Variants in TMEM52B observed in about 807,000 individuals in gnomAD.
The protein encoded by TMEM52B is transmembrane protein 52B.
TMEM52B carries 11 observed loss-of-function variants against 16.1 expected under a neutral mutation model. The observed-to-expected ratio is 0.68, with a 90% CI of 0.43 to 1.13. The LOEUF is 1.13. Ranked by LOEUF, TMEM52B falls within the 50% of genes most tolerant of loss-of-function variation. The pLI, the probability that TMEM52B is intolerant of heterozygous loss-of-function variation, is 0.00. For synonymous variants in TMEM52B, 101 were observed against 93.8 expected (o/e 1.08, Z -0.45); for missense variants, 243 against 230.4 (o/e 1.05, Z -0.35).
At chr12:10,172,170 T>A (rs550797199) in intron 1 of TMEM52B, 52 of 789,694 alleles carry the variant, frequency 6.6e-5, no homozygotes, top group South Asian at 6.2e-4. Flanking sequence ...TTTAAATAGC[T>A]ACTGTTATCT....
At chr12:10,189,276 G>C (rs1209874764) in intron 4 of TMEM52B, among the ~76,000 whole-genome samples, 1 of 151,820 alleles carries the variant, frequency 6.6e-6, no homozygotes, top group Non-Finnish European at 1.5e-5. Context: ...CGGGGGCTGG[G>C]GGAAAGGGAT....
rs1254871679 is a variant in TMEM52B, at chr12:10,191,774, A to G, written c.*1634A>G. The G allele has an allele frequency of 6.6e-6, 1 of 152,214 alleles. No homozygotes were observed. The highest frequency in any genetic ancestry group is 1.5e-5 in the Non-Finnish European group (1 of 68,044). 9.4% of individuals were successfully genotyped at this position (152,214 alleles called of 1,614,324 possible). A position where few individuals can be genotyped will look rare whatever the true frequency, so the allele number is the denominator to read the frequency against. ...GAAATGGCTTTGTTTTTATCAATAA[A>G]TACTTGTTGATTGCGGTAAACAGCA... is the stretch of plus-strand genomic sequence containing the variant. On this transcript the variant is annotated 3_prime_UTR_variant, in exon 5 of 5. Transcript: ENST00000543484.
chr12:10,189,932 T>C lies in TMEM52B; in HGVS notation c.344T>C (p.Ile115Thr), dbSNP rs1490328162. The stretch of plus-strand genomic sequence containing the variant: ...GTGTTTGGCCCTGCAGCTCGGAGGA[T>C]CCTGGCTGTGGCTCACTCCCACAGC... Reference protein sequence around the residue: ...QSVFGPAARRILAVAHSHSSL... With the variant: ...QSVFGPAARRTLAVAHSHSSL... The change falls in exon 5 of 5, where the codon ATC becomes ACC. Residue 115 changes from isoleucine (I) to threonine (T), a missense_variant. By Grantham distance (89) the Ile-to-Thr change is moderately conservative. Transcript: ENST00000543484. 2.5e-6 allele frequency: 4 copies of C among 1,614,006 alleles called. No homozygotes were observed. Among genetic ancestry groups the C allele is most frequent in the Non-Finnish European group, 3.4e-6 (4 of 1,180,048 alleles).
In TMEM52B at chr12:10,180,868, C is replaced by T. The variant is rs571008870; in HGVS notation, c.54+1240C>T. 3.9e-5 allele frequency among the ~76,000 whole-genome samples: 6 copies of T among 152,130 alleles called. No homozygotes were observed. The South Asian group carries it at 1.0e-3, about 26-fold the overall frequency. ...TTACCCAGGCTGGAGTGCAGTGGCA[C>T]GATCTTGGCTGACTGCAACCTCCGC... On this transcript the variant is annotated intron_variant, in intron 1 of 4. Transcript: ENST00000543484.
chr12:10,183,172 A>C (rs79982202), intron 2 of TMEM52B, among the ~76,000 whole-genome samples: 2,686 of 152,320 alleles, frequency 0.018, 76 homozygotes, highest in African/African-American at 0.061. Context: ...AAATTTTAAA[A>C]AGTAGTGGCA....
intron 1 of TMEM52B, chr12:10,172,009 T>G (rs1312687978): frequency 6.2e-7 from 1 of 1,610,186 alleles, no homozygotes; most frequent in Admixed American, 1.7e-5. Flanking sequence ...TACCTTTAGC[T>G]TTTTTTCCAT....
At chr12:10,173,282 G>A (rs1290043916) in intron 1 of TMEM52B, among the ~76,000 whole-genome samples, 1 of 151,446 alleles carries the variant, frequency 6.6e-6, no homozygotes, top group African/African-American at 2.4e-5. Flanking sequence ...ATGATATCTG[G>A]CATTTACTTT....
upstream of TMEM52B, among the ~76,000 whole-genome samples, chr12:10,177,945 G>A (rs879660590): frequency 6.6e-6 from 1 of 151,164 alleles, no homozygotes; most frequent in Non-Finnish European, 1.5e-5. Context: ...ACCCAGGCTG[G>A]AGTGCAGTGG....
At chr12:10,183,917 GCAT>G in intron 2 of TMEM52B, among the ~76,000 whole-genome samples, 1 of 152,110 alleles carries the variant, frequency 6.6e-6, no homozygotes, top group Non-Finnish European at 1.5e-5. Flanking sequence ...AAAGTAAGTA[GCAT>G]CATTTTGCAT....
chr12:10,190,179 C>T lies in TMEM52B; in HGVS notation c.*39C>T, dbSNP rs1175045037. 3.1e-6 allele frequency: 5 copies of T among 1,609,860 alleles called. No homozygotes were observed. In the African/African-American group the frequency reaches 4.0e-5, roughly 13 times the overall value. On this transcript the variant is annotated 3_prime_UTR_variant, in exon 5 of 5. Coordinates refer to ENST00000543484, the MANE Select transcript of TMEM52B (RefSeq NM_001384896.1). ...TTTATAAATAGGAGTGGAGTGATGT[C>T]CAGAGTCTGTGGGAAAATGGAACAC...
intron 1 of TMEM52B, among the ~76,000 whole-genome samples, chr12:10,171,524 G>C (rs1352821001): frequency 6.6e-6 from 1 of 152,228 alleles, no homozygotes; most frequent in African/African-American, 2.4e-5. Context: ...TGTAGTGCCT[G>C]AAGGACTCTT....
intron 4 of TMEM52B, among the ~76,000 whole-genome samples, chr12:10,186,797 G>T (rs1948885417): frequency 6.6e-6 from 1 of 152,162 alleles, no homozygotes; most frequent in South Asian, 2.1e-4. Context: ...GATAAAGAAA[G>T]AAGTGAAATA....
chr12:10,188,485 G>C (rs1418245176), intron 4 of TMEM52B, among the ~76,000 whole-genome samples: 5 of 123,982 alleles, frequency 4.0e-5, no homozygotes, highest in Non-Finnish European at 8.3e-5. Context: ...GAAAGAAAGA[G>C]AGAGAGGGAA....
chr12:10,171,162 A>C (rs914403958), intron 1 of TMEM52B, among the ~76,000 whole-genome samples: 1 of 152,230 alleles, frequency 6.6e-6, no homozygotes, highest in African/African-American at 2.4e-5. Context: ...CAAATGTTAA[A>C]TCACTCCATG....
upstream of TMEM52B, chr12:10,175,523 C>T (rs1948759351): frequency 6.6e-6 from 1 of 152,232 alleles, no homozygotes; most frequent in Non-Finnish European, 1.5e-5. Flanking sequence ...TTGCTGCTCA[C>T]ATAATTTGTG....
At chr12:10,171,534 T>A (rs1482182324) in intron 1 of TMEM52B, among the ~76,000 whole-genome samples, 3 of 152,240 alleles carry the variant, frequency 2.0e-5, no homozygotes, top group African/African-American at 7.2e-5. Flanking sequence ...GAAGGACTCT[T>A]ACAGAAATTA....
intron 3 of TMEM52B, 131 bp downstream of exon 3, chr12:10,185,499 G>A: frequency 1.1e-5 from 8 of 713,022 alleles, no homozygotes; most frequent in Non-Finnish European, 2.0e-5. Context: ...GTGACAATAT[G>A]TCAGGATTTC....
chr12:10,191,199 C>T lies in TMEM52B; in HGVS notation c.*1059C>T, dbSNP rs541643074. On this transcript the variant is annotated 3_prime_UTR_variant, in exon 5 of 5. Transcript: ENST00000543484. ...GACGCACATTTAGGGAAAAACTACT[C>T]ACCTTAGAAAAGTCACTGAAATCCT... 2.0e-5 allele frequency: 3 copies of T among 152,242 alleles called. No individual in the cohort carries two copies. The East Asian group carries it at 5.8e-4, about 29-fold the overall frequency. The allele number at this position is 152,242 out of a possible 1,614,324, so 9.4% of individuals were successfully genotyped here. A position where few individuals can be genotyped will look rare whatever the true frequency, so the allele number is the denominator to read the frequency against.
At chr12:10,188,047 C>T (rs1353040694) in intron 4 of TMEM52B, among the ~76,000 whole-genome samples, 2 of 152,108 alleles carry the variant, frequency 1.3e-5, no homozygotes, top group Non-Finnish European at 2.9e-5. Flanking sequence ...TGAAGTGAGC[C>T]GAGATCGTGC....
Sources: gnomAD v4.1 joint callset for allele counts (sites outside exome capture counted in the v4.1 genomes callset) on GRCh38, gnomAD v4.1.1 for gene constraint, MANE v1.5 for transcripts, NCBI Gene and HGNC (gene_info 2026-07-23, HGNC 2026-07-21) for gene names.